Variants in PWWP2A observed in about 807,000 individuals in gnomAD.
The protein encoded by PWWP2A is PWWP domain-containing protein 2A.
A neutral mutation model predicts 48.5 loss-of-function variants in PWWP2A; 18 were observed. The observed-to-expected ratio is 0.37, with a 90% CI of 0.26 to 0.55. The LOEUF is 0.55. Ranked by LOEUF, PWWP2A falls within the 20% of genes least tolerant of loss-of-function variation. PWWP2A has a pLI of 0.81. For missense variants in PWWP2A, 867 were observed against 976.4 expected (o/e 0.89, Z 1.49); for synonymous variants, 396 against 387.7 (o/e 1.02, Z -0.25).
chr5:160,050,766 C>T, the PWWP2A span, among the ~76,000 whole-genome samples: 3 of 151,684 alleles, frequency 2.0e-5, no homozygotes, highest in East Asian at 5.8e-4. Context: ...GCTGCGACTA[C>T]AGACACATGC....
At chr5:160,068,103 C>T (rs1753656847) in intron 2 of PWWP2A, among the ~76,000 whole-genome samples, 1 of 152,136 alleles carries the variant, frequency 6.6e-6, no homozygotes, top group Admixed American at 6.5e-5. Flanking sequence ...ATCGCTTGAA[C>T]CCAGAAGGCA....
At chr5:160,081,158 G>C (rs1298461739) in intron 2 of PWWP2A, among the ~76,000 whole-genome samples, 1 of 151,682 alleles carries the variant, frequency 6.6e-6, no homozygotes. Flanking sequence ...GAGAAGTCCT[G>C]ATCTTCTCAG....
chr5:160,070,513 T>C (rs1204983048), intron 2 of PWWP2A, among the ~76,000 whole-genome samples: 4 of 152,154 alleles, frequency 2.6e-5, no homozygotes, highest in Non-Finnish European at 5.9e-5. Context: ...TGCTTTTCCA[T>C]GTGTGCTTCC....
At chr5:160,105,324 G>A (rs1378187367) in intron 1 of PWWP2A, among the ~76,000 whole-genome samples, 2 of 150,652 alleles carry the variant, frequency 1.3e-5, no homozygotes, top group Non-Finnish European at 2.9e-5. Context: ...TGAGGAGAGT[G>A]GATCACAAGG....
the PWWP2A span, among the ~76,000 whole-genome samples, chr5:160,054,441 C>A: frequency 1.3e-5 from 2 of 152,068 alleles, no homozygotes; most frequent in Non-Finnish European, 2.9e-5. Flanking sequence ...TGGCAAGACC[C>A]CCATCTCTGC....
chr5:160,117,309 C>G (rs1300713491), intron 1 of PWWP2A, among the ~76,000 whole-genome samples: 1 of 151,888 alleles, frequency 6.6e-6, no homozygotes, highest in Non-Finnish European at 1.5e-5. Flanking sequence ...AATAAGTAAA[C>G]AAACAAACAT....
chr5:160,104,077 T>C (rs937784314), intron 1 of PWWP2A, among the ~76,000 whole-genome samples: 39 of 127,092 alleles, frequency 3.1e-4, no homozygotes, highest in African/African-American at 1.2e-3. Context: ...TGACCCGGGA[T>C]GCACCACTGC....
chr5:160,106,512 C>T (rs1015991149), intron 1 of PWWP2A, among the ~76,000 whole-genome samples: 1 of 151,666 alleles, frequency 6.6e-6, no homozygotes, highest in Non-Finnish European at 1.5e-5. Flanking sequence ...AAAAAATAAA[C>T]AAAAATTTAA....
In PWWP2A at chr5:160,093,613, G is replaced by A; in HGVS notation, c.1037C>T (p.Ser346Phe). 2.5e-6 allele frequency: 4 copies of A among 1,613,772 alleles called. No individual in the cohort carries two copies. Among genetic ancestry groups the A allele is most frequent in the South Asian group, 1.1e-5 (1 of 91,070 alleles). Reference sequence around the variant, plus strand: ...TCTCCGTTTTTTATCTTCATATTTAGAAGAGTCAGTTGCACTACTACCTTT... The same window carrying A: ...TCTCCGTTTTTTATCTTCATATTTAAAAGAGTCAGTTGCACTACTACCTTT... ...IRKGSSATDS[S>F]KYEDKKRRNE... The change falls in exon 2 of 2, where the codon TCT becomes TTT. Residue 346 changes from serine to phenylalanine, a missense_variant. Around this residue, in one of 4 missense-constraint regions of PWWP2A, gnomAD observed 382 missense variants for 407.2 expected, o/e 0.94. Coordinates refer to ENST00000307063, the MANE Select transcript of PWWP2A (RefSeq NM_001130864.2). The surrounding 1 kb of genome is among the most constrained non-coding windows in gnomAD (Gnocchi z 5.8).
At chr5:160,082,258 C>A (rs1365135515) in intron 2 of PWWP2A, among the ~76,000 whole-genome samples, 2 of 151,822 alleles carry the variant, frequency 1.3e-5, no homozygotes, top group African/African-American at 4.8e-5. Context: ...TCCTGGCTAA[C>A]ACGGTGAAAC....
downstream of PWWP2A, among the ~76,000 whole-genome samples, chr5:160,059,084 G>A (rs11135092): frequency 0.58 from 87,552 of 152,010 alleles, 25,331 homozygotes; most frequent in East Asian, 0.62. Flanking sequence ...GTCACCAGCT[G>A]TATTATCGCC....
In PWWP2A at chr5:160,118,971, C is replaced by A; in HGVS notation, c.418G>T (p.Ala140Ser). The A allele has an allele frequency of 6.3e-7, 1 of 1,598,084 alleles. No homozygotes were observed. Among genetic ancestry groups the A allele is most frequent in the Non-Finnish European group, 8.5e-7 (1 of 1,174,120 alleles). The change falls in exon 1 of 2, where the codon GCC becomes TCC. Residue 140 changes from alanine to serine, a missense_variant. Ala to Ser is a moderately conservative substitution (Grantham distance 99, BLOSUM62 1). Around this residue, in one of 4 missense-constraint regions of PWWP2A, gnomAD observed 385 missense variants for 396.9 expected, o/e 0.97. Transcript: ENST00000307063. ...REEPPLPQPV[A>S]PALVPPAGGD... ...CCCGCCGGCGGCACGAGCGCCGGGG[C>A]TACGGGCTGAGGCAGCGGCGGCTCC...
downstream of PWWP2A, among the ~76,000 whole-genome samples, chr5:160,072,486 C>CG (rs1371587758): frequency 6.6e-6 from 1 of 152,092 alleles, no homozygotes; most frequent in Non-Finnish European, 1.5e-5. Flanking sequence ...CCAGCACCTG[C>CG]GGGGGGCGAG....
rs1753964068 is a variant in PWWP2A at position 160,077,839 on chromosome 5, AT to A, written c.*315del. The A allele has an allele frequency of 3.0e-6, 1 of 329,704 alleles. No individual in the cohort carries two copies. Among genetic ancestry groups the A allele is most frequent in the Admixed American group, 4.3e-5 (1 of 23,428 alleles). The allele number at this position is 329,704 out of a possible 1,614,324, so 20.4% of individuals were successfully genotyped here. ...CAAACTGTACTGATAAGAACTTCAC[AT>A]TCCAAAGAAGTTACTGTCAGTGTTT... On this transcript the variant is annotated 3_prime_UTR_variant, in exon 4 of 4. Transcript: ENST00000456329. The surrounding 1 kb of genome is among the most constrained non-coding windows in gnomAD (Gnocchi z 4.2).
intron 1 of PWWP2A, among the ~76,000 whole-genome samples, chr5:160,098,849 T>A (rs1755957207): frequency 6.6e-6 from 1 of 152,142 alleles, no homozygotes; most frequent in African/African-American, 2.4e-5. Flanking sequence ...ACGCCTGTAA[T>A]CCCAGTTACT....
At chr5:160,055,164 A>G in the PWWP2A span, among the ~76,000 whole-genome samples, 2 of 152,214 alleles carry the variant, frequency 1.3e-5, no homozygotes, top group African/African-American at 4.8e-5. Context: ...GGGTAAAGAC[A>G]TCTGTCATCA....
the PWWP2A span, among the ~76,000 whole-genome samples, chr5:160,050,214 G>A: frequency 1.8e-3 from 274 of 152,200 alleles, no homozygotes; most frequent in African/African-American, 6.1e-3. Flanking sequence ...TTGGGAGGCC[G>A]AGGAGGGCGG....
At chr5:160,054,799 C>G in the PWWP2A span, among the ~76,000 whole-genome samples, 1 of 151,880 alleles carries the variant, frequency 6.6e-6, no homozygotes, top group Non-Finnish European at 1.5e-5. Flanking sequence ...TATATCTAAG[C>G]CTTTATGGGT....
At chr5:160,086,870 C>T (rs997761096), downstream of PWWP2A, among the ~76,000 whole-genome samples, 1 of 152,196 alleles carries the variant, frequency 6.6e-6, no homozygotes, top group Non-Finnish European at 1.5e-5. Context: ...TACCATCACA[C>T]TTTTTGTCAT....
Sources: allele counts gnomAD v4.1 joint callset (sites outside exome capture counted in the v4.1 genomes callset), GRCh38; gene constraint gnomAD v4.1.1; regional missense constraint gnomAD v4.1.1; non-coding constraint Gnocchi (gnomAD v3.1); transcripts MANE v1.5; gene names NCBI Gene and HGNC (gene_info 2026-07-23, HGNC 2026-07-21).